Variants in SLC12A4 observed in about 807,000 individuals in gnomAD.
SLC12A4 encodes the protein solute carrier family 12 member 4, also known as electroneutral potassium-chloride cotransporter 1.
In SLC12A4, 84 loss-of-function variants were observed where a neutral mutation model predicts 119.2. The ratio of observed to expected loss-of-function variants is 0.70; its 90% confidence interval spans 0.59 to 0.85. SLC12A4 has a LOEUF of 0.85. SLC12A4 is among the 40% of genes least tolerant of loss of function. The pLI is 0.00. For missense variants in SLC12A4, 1,298 were observed against 1,476.3 expected (o/e 0.88, Z 1.98); for synonymous variants, 599 against 604.6 (o/e 0.99, Z 0.14).
intron 5 of SLC12A4, chr16:67,957,507 A>G: frequency 7.0e-6 from 4 of 569,454 alleles, no homozygotes; most frequent in Non-Finnish European, 1.3e-5. Context: ...GTAAACATAC[A>G]TTGCCCTTTT....
chr16:67,968,305 G>T, intron 1 of SLC12A4, 134 bp downstream of exon 1: 1 of 742,976 alleles, frequency 1.3e-6, no homozygotes, highest in Non-Finnish European at 2.0e-6. Flanking sequence ...GCAGCGGCGC[G>T]GTCCAAAAAA....
chr16:67,945,920 C>G, intron 20 of SLC12A4, 31 bp downstream of exon 20: 1 of 1,612,856 alleles, frequency 6.2e-7, no homozygotes, highest in Non-Finnish European at 8.5e-7. Context: ...GACATGGTAT[C>G]CACGGGGCCA....
chr16:67,947,440 A>G lies in SLC12A4; in HGVS notation c.1968-5T>C, dbSNP rs1185312656. 4.3e-6 allele frequency: 7 copies of G among 1,611,118 alleles called. No homozygotes were observed. Among genetic ancestry groups the G allele is most frequent in the Non-Finnish European group, 5.9e-6 (7 of 1,179,068 alleles). On this transcript the variant is annotated splice_polypyrimidine_tract_variant and splice_region_variant and intron_variant, in intron 15 of 23. Coordinates refer to ENST00000316341, the MANE Select transcript of SLC12A4 (RefSeq NM_005072.5). Reference sequence around the variant, plus strand: ...TCACCCCACTCCTTCTCAGCCCTGCAGATTCCACCACAGCTGGTGAGCCCC... The same window carrying G: ...TCACCCCACTCCTTCTCAGCCCTGCGGATTCCACCACAGCTGGTGAGCCCC...
Position 67,952,299 on chromosome 16 carries a change from C to A in SLC12A4, c.802G>T (p.Val268Leu). The change falls in exon 7 of 24, where the codon GTG (valine) becomes TTG (leucine). Residue 268 changes from valine (V) to leucine (L), a missense_variant. Physicochemically the swap from Val to Leu is conservative, Grantham distance 32. Coordinates refer to ENST00000316341, the MANE Select transcript of SLC12A4 (RefSeq NM_005072.5). ...AATTTGTTCACATACTTGACCCCCA[C>A]AAACACCACCAGGGTCATGAAGGTC... ...FLTFMTLVVF[V>L]GVKYVNKFAS... 1 of 1,614,134 alleles carries A rather than the reference C, an allele frequency of 6.2e-7. No individual in the cohort carries two copies. Among genetic ancestry groups the A allele is most frequent in the Non-Finnish European group, 8.5e-7 (1 of 1,180,034 alleles).
At chr16:67,964,989 G>C (rs1466753180) in intron 1 of SLC12A4, among the ~76,000 whole-genome samples, 1 of 152,190 alleles carries the variant, frequency 6.6e-6, no homozygotes, top group Non-Finnish European at 1.5e-5. Flanking sequence ...CCCACAGCAT[G>C]TGAAAGTGGC....
chr16:67,966,737 G>A (rs1445437906), intron 1 of SLC12A4: 2 of 1,551,364 alleles, frequency 1.3e-6, no homozygotes, highest in Non-Finnish European at 1.7e-6. Flanking sequence ...CCCCACCAAG[G>A]ATCAAAATCA....
chr16:67,946,112 G>C, intron 19 of SLC12A4, 30 bp from the exon 20 acceptor site: 2 of 1,612,858 alleles, frequency 1.2e-6, no homozygotes, highest in East Asian at 4.5e-5. Context: ...GGGCGGTTTG[G>C]TCACAGCTGC....
chr16:67,944,810 TC>T lies in SLC12A4; in HGVS notation c.*29del. 1 of 1,610,386 alleles carries T rather than the reference TC, an allele frequency of 6.2e-7. No individual in the cohort carries two copies. The highest frequency in any genetic ancestry group is 8.5e-7 in the Non-Finnish European group (1 of 1,179,346). ...AGCTTGTTATGTCCTGGCCAAGACC[TC>T]GACTCCAGGCCACAAGATGACACTG... is the stretch of plus-strand genomic sequence containing the variant. On this transcript the variant is annotated 3_prime_UTR_variant, in exon 24 of 24. Coordinates refer to ENST00000316341, the MANE Select transcript of SLC12A4 (RefSeq NM_005072.5). The surrounding 1 kb of genome is among the most constrained non-coding windows in gnomAD (Gnocchi z 6.6).
rs1485668124 is a variant in SLC12A4, at chr16:67,963,813, C to T, written c.116-254G>A. Reference sequence around the variant, plus strand: ...GAATCCAGGTGAGGGCGCAGGCGCCCTAGCACAAGCACGTATGGACACTGA... The same window carrying T: ...GAATCCAGGTGAGGGCGCAGGCGCCTTAGCACAAGCACGTATGGACACTGA... On this transcript the variant is annotated intron_variant, in intron 1 of 23. Transcript: ENST00000316341. 1.1e-4 allele frequency: 153 copies of T among 1,388,920 alleles called. 2 individuals are homozygous for T. In the South Asian group the frequency reaches 2.0e-3, roughly 19 times the overall value. 86.0% of individuals were successfully genotyped at this position (1,388,920 alleles called of 1,614,324 possible). A position where few individuals can be genotyped will look rare whatever the true frequency, so the allele number is the denominator to read the frequency against.
Position 67,949,666 on chromosome 16 carries a change from C to T in SLC12A4, c.1748+134G>A. ...CCTAAATGCAGGGGTGGGCTGAGCC[C>T]TGTCAGGCCACATCTCCCCATGCAG... On this transcript the variant is annotated intron_variant, in intron 13 of 23. Transcript: ENST00000316341. This position sits in a 1 kb window ranked among gnomAD's most constrained non-coding sequence, Gnocchi z 4.6. The T allele has an allele frequency of 1.6e-6, 1 of 628,104 alleles. No individual in the cohort carries two copies. Among genetic ancestry groups the T allele is most frequent in the Non-Finnish European group, 2.7e-6 (1 of 365,518 alleles). 38.9% of individuals were successfully genotyped at this position (628,104 alleles called of 1,614,324 possible). A position where few individuals can be genotyped will look rare whatever the true frequency, so the allele number is the denominator to read the frequency against.
At position 67,943,940 on chromosome 16, in the gene SLC12A4, G is replaced by A; in HGVS notation, c.*900C>T. 6.5e-7 allele frequency: 1 copy of A among 1,543,954 alleles called. No homozygotes were observed. Among genetic ancestry groups the A allele is most frequent in the Non-Finnish European group, 8.7e-7 (1 of 1,142,990 alleles). On this transcript the variant is annotated 3_prime_UTR_variant, in exon 24 of 24. Coordinates refer to ENST00000316341, the MANE Select transcript of SLC12A4 (RefSeq NM_005072.5). The surrounding 1 kb of genome is among the most constrained non-coding windows in gnomAD (Gnocchi z 4.6). ...GCGTGGTGCATCAGGGGCCTGGTGG[G>A]GGCTTACCGAGGATGACGGGCCGTG...
At position 67,957,908 on chromosome 16, in the gene SLC12A4, C is replaced by T. The variant is rs778189413; in HGVS notation, c.479G>A (p.Cys160Tyr). ...CGCCAGGACACTCACACAACAGCAG[C>T]AGATAAGCACGATGAGGAGGGCCTG... ...VLQALLIVLI[C>Y]CCCTLLTAIS... Residue 160 changes from cysteine (C) to tyrosine (Y), a missense_variant, in exon 4 of 24, where the codon TGC becomes TAC. Transcript: ENST00000316341. 2 of 1,614,192 alleles carry T rather than the reference C, an allele frequency of 1.2e-6. No individual in the cohort carries two copies. Among genetic ancestry groups the T allele is most frequent in the South Asian group, 2.2e-5 (2 of 91,086 alleles).
chr16:67,957,492 TTACAG>T (rs1299233446), intron 5 of SLC12A4: 1 of 527,540 alleles, frequency 1.9e-6, no homozygotes, highest in Non-Finnish European at 3.4e-6. Context: ...TCAAACCCTC[TTACAG>T]TAAACATACA....
At chr16:67,963,211 T>G (rs1055757465) in intron 2 of SLC12A4, 2 of 223,320 alleles carry the variant, frequency 9.0e-6, no homozygotes, top group Non-Finnish European at 1.8e-5. Flanking sequence ...GGCGTTTCCT[T>G]GCTGAGGGGT....
Position 67,946,234 on chromosome 16 carries a change from C to G in SLC12A4, c.2544G>C (p.Val848=). The change falls in exon 19 of 24, where the codon GTG becomes GTC. Residue 848 remains valine (V), a synonymous_variant. Coordinates refer to ENST00000316341, the MANE Select transcript of SLC12A4 (RefSeq NM_005072.5). ...HERYLEGHID[V]WWIVHDGGML... is the part of the protein sequence containing the mutation. ...TGCCACCATCGTGCACGATCCACCA[C>G]ACGTCTATGTGGCCCTCCAGGTAGC... 1 of 1,613,942 alleles carries G rather than the reference C, an allele frequency of 6.2e-7. No individual in the cohort carries two copies.
chr16:67,947,191 C>T, intron 16 of SLC12A4, 86 bp from the exon 17 acceptor site: 1 of 1,518,832 alleles, frequency 6.6e-7, no homozygotes, highest in Non-Finnish European at 8.8e-7. Context: ...GGGTCGTGGT[C>T]CCTGCAGGTT....
chr16:67,946,793 G>T, intron 17 of SLC12A4, 144 bp downstream of exon 17: 1 of 1,230,406 alleles, frequency 8.1e-7, no homozygotes, highest in Non-Finnish European at 1.1e-6. Context: ...GGGACTGCTG[G>T]CTCCCCCTTG....
rs2029918419 is a variant in SLC12A4 at position 67,951,758 on chromosome 16, T to C, written c.1132+65A>G. ...CCCAAGCTGGCCACACAAGGACAGC[T>C]CTGTGCTCTGTGCCCCTGCTCAGCC... On this transcript the variant is annotated intron_variant, in intron 8 of 23. Coordinates refer to ENST00000316341, the MANE Select transcript of SLC12A4 (RefSeq NM_005072.5). The surrounding 1 kb of genome is among the most constrained non-coding windows in gnomAD (Gnocchi z 5.2). 7.1e-7 allele frequency: 1 copy of C among 1,401,126 alleles called. No individual in the cohort carries two copies. Among genetic ancestry groups the C allele is most frequent in the African/African-American group, 1.4e-5 (1 of 70,466 alleles). The allele number at this position is 1,401,126 out of a possible 1,614,324, so 86.8% of individuals were successfully genotyped here.
At position 67,951,201 on chromosome 16, in the gene SLC12A4, C is replaced by A; in HGVS notation, c.1236G>T (p.Val412=). ...PSLKESLPLY[V]VADIATSFTV... is the part of the protein sequence containing the mutation. ...TGAAGGATGTGGCGATGTCAGCGAC[C>A]ACGTACAGAGGCAGGCTCTCCTTCA... The change falls in exon 9 of 24, where the codon GTG becomes GTT. Residue 412 remains valine (V), a synonymous_variant. Transcript: ENST00000316341. The surrounding 1 kb of genome is among the most constrained non-coding windows in gnomAD (Gnocchi z 5.2). 1 of 1,614,100 alleles carries A rather than the reference C, an allele frequency of 6.2e-7. No individual in the cohort carries two copies. Among genetic ancestry groups the A allele is most frequent in the Non-Finnish European group, 8.5e-7 (1 of 1,179,974 alleles).
Sources: gnomAD v4.1 joint callset for allele counts (sites outside exome capture counted in the v4.1 genomes callset) on GRCh38, gnomAD v4.1.1 for gene constraint, Gnocchi (gnomAD v3.1) non-coding constraint, MANE v1.5 for transcripts, NCBI Gene and HGNC (gene_info 2026-07-23, HGNC 2026-07-21) for gene names.